Variants in CPNE1 observed in about 807,000 individuals in gnomAD.
The protein encoded by CPNE1 is copine-1.
Under a neutral mutation model 63.2 loss-of-function variants are expected in CPNE1, and 58 were observed. The observed-to-expected ratio is 0.92, with a 90% CI of 0.74 to 1.14. The LOEUF (loss-of-function observed/expected upper bound fraction) is 1.14, where lower values mean the gene tolerates loss of function less well. Among genes scored for constraint, CPNE1 ranks in the 50% most tolerant of loss-of-function variants. The pLI is 0.00. For synonymous variants in CPNE1, 237 were observed against 249.0 expected (o/e 0.95, Z 0.45); for missense variants, 672 against 661.7 (o/e 1.02, Z -0.17).
intron 1 of CPNE1, among the ~76,000 whole-genome samples, chr20:35,656,205 T>C (rs2033888033): frequency 6.6e-6 from 1 of 152,182 alleles, no homozygotes; most frequent in Non-Finnish European, 1.5e-5. Flanking sequence ...TATTTTCCCC[T>C]AGGAGAGGGC....
intron 1 of CPNE1, among the ~76,000 whole-genome samples, chr20:35,643,737 CA>C (rs886224852): frequency 6.6e-6 from 1 of 151,940 alleles, no homozygotes; most frequent in South Asian, 2.1e-4. Context: ...GTTGCGAAAA[CA>C]AAAAAACAAC....
chr20:35,650,615 C>T (rs2033437840), intron 1 of CPNE1: 1 of 152,562 alleles, frequency 6.6e-6, no homozygotes, highest in Non-Finnish European at 1.5e-5. Flanking sequence ...TCGGTCAAAG[C>T]AAATCTGTAT....
At chr20:35,645,314 C>T (rs909689898) in intron 1 of CPNE1, among the ~76,000 whole-genome samples, 2 of 151,992 alleles carry the variant, frequency 1.3e-5, no homozygotes, top group Admixed American at 6.6e-5. Flanking sequence ...TTAGGGAAGC[C>T]GAGAAAGCAA....
rs2031756924 is a variant in CPNE1 at position 35,626,563 on chromosome 20, T to C, written c.1473+4A>G. 6.2e-7 allele frequency: 1 copy of C among 1,613,504 alleles called. No individual in the cohort carries two copies. Among genetic ancestry groups the C allele is most frequent in the Non-Finnish European group, 8.5e-7 (1 of 1,179,434 alleles). On this transcript the variant is annotated splice_donor_region_variant and intron_variant, in intron 15 of 15. Transcript: ENST00000397443. ...ACTCCCAGATCAAATTTGCACCTAC[T>C]CACATTCTGGAACCGGCGGTAGGGT...
In CPNE1 at chr20:35,632,643, A is replaced by T. The variant is rs2146288629; in HGVS notation, c.183T>A (p.Thr61=). Residue 61 remains threonine, a synonymous_variant, in exon 3 of 16, where the codon ACT becomes ACA. Coordinates refer to ENST00000397443, the MANE Select transcript of CPNE1 (RefSeq NM_152925.3). ...RNCSSPEFSK[T]LQLEYRFETV... ...TCTCAAAGCGGTACTCAAGCTGTAG[A>T]GTCTTGGAGAACTCAGGGCTTGAGC... The T allele has an allele frequency of 1.4e-6, 2 of 1,464,912 alleles. No individual in the cohort carries two copies. Among genetic ancestry groups the T allele is most frequent in the East Asian group, 4.5e-5 (2 of 44,198 alleles). The allele number at this position is 1,464,912 out of a possible 1,614,324, so 90.7% of individuals were successfully genotyped here.
At chr20:35,641,789 T>C (rs1291237667) in intron 1 of CPNE1, among the ~76,000 whole-genome samples, 1 of 152,198 alleles carries the variant, frequency 6.6e-6, no homozygotes, top group Non-Finnish European at 1.5e-5. Context: ...GTCAATTAAA[T>C]GACAAAGCTC....
Position 35,631,322 on chromosome 20 carries a change from C to T in CPNE1, c.747G>A (p.Gln249=). 1 of 1,614,134 alleles carries T rather than the reference C, an allele frequency of 6.2e-7. No homozygotes were observed. Among genetic ancestry groups the T allele is most frequent in the Middle Eastern group, 1.6e-4 (1 of 6,062 alleles). The change falls in exon 9 of 16, where the codon CAG becomes CAA. Residue 249 remains glutamine, a synonymous_variant. Coordinates refer to ENST00000397443, the MANE Select transcript of CPNE1 (RefSeq NM_152925.3). ...AGTTCTTGTAGCTTTTCTTTTTCTG[C>T]TGCTTCTCAGGGTGGATGCATTCAA... The part of the protein sequence containing the change: ...AEFECIHPEK[Q]QKKKSYKNSG...
intron 1 of CPNE1, chr20:35,653,319 G>A (rs145185010): frequency 1.8e-4 from 295 of 1,613,510 alleles, no homozygotes; most frequent in Non-Finnish European, 2.3e-4. Context: ...GGCCTGCACC[G>A]GGAAGTCCTG....
chr20:35,650,671 A>G (rs895163199), intron 1 of CPNE1: 1 of 152,624 alleles, frequency 6.6e-6, no homozygotes, highest in Non-Finnish European at 1.5e-5. Context: ...TCTTGAGTCT[A>G]AACAATCCTT....
chr20:35,652,703 C>T (rs751160657), intron 1 of CPNE1: 1 of 1,614,150 alleles, frequency 6.2e-7, no homozygotes, highest in East Asian at 2.2e-5. Flanking sequence ...TAAAAGAAAT[C>T]TAAAATCTCA....
intron 12 of CPNE1, 74 bp downstream of exon 12, chr20:35,630,667 G>A (rs1164033878): frequency 1.1e-5 from 17 of 1,569,296 alleles, no homozygotes; most frequent in Non-Finnish European, 1.4e-5. Flanking sequence ...CAAGTAGCAA[G>A]TAAATTTACC....
intron 1 of CPNE1, among the ~76,000 whole-genome samples, chr20:35,661,039 G>C (rs938757549): frequency 8.5e-5 from 13 of 152,204 alleles, no homozygotes; most frequent in Admixed American, 7.9e-4. Flanking sequence ...CAAGTTTTAT[G>C]TGTACAACTT....
intron 13 of CPNE1, among the ~76,000 whole-genome samples, chr20:35,627,860 T>A (rs976767207): frequency 6.6e-6 from 1 of 151,770 alleles, no homozygotes; most frequent in African/African-American, 2.4e-5. Flanking sequence ...AACTAGAGAG[T>A]ATAGCCAGGC....
In CPNE1 at chr20:35,644,255, G is replaced by A. The variant is rs528850462; in HGVS notation, c.1-11332C>T. On this transcript the variant is annotated intron_variant, in intron 1 of 15. Coordinates refer to ENST00000397443, the MANE Select transcript of CPNE1 (RefSeq NM_152925.3). ...CTCCTTCTTGGTTAATTGGACCAAGGAGGAGTGGATCCAGGAGGAATGCCT... is the reference window on the plus strand; with the variant it reads ...CTCCTTCTTGGTTAATTGGACCAAGAAGGAGTGGATCCAGGAGGAATGCCT... 1.2e-3 allele frequency among the ~76,000 whole-genome samples: 180 copies of A among 152,250 alleles called. 1 individual carries two copies. Among genetic ancestry groups the A allele is most frequent in the Non-Finnish European group, 2.3e-3 (156 of 68,000 alleles).
intron 1 of CPNE1, chr20:35,654,311 G>C (rs1322137771): frequency 6.2e-7 from 1 of 1,614,116 alleles, no homozygotes. Flanking sequence ...CGACCTACAT[G>C]ATCTTTCAAC....
At position 35,626,285 on chromosome 20, in the gene CPNE1, G is replaced by A. The variant is rs751568636; in HGVS notation, c.1570C>T (p.Leu524Phe). ...RAQGWAPLKP[L>F]PPSAKDPAQA... ...GCAGGATCCTTGGCTGAGGGTGGAA[G>A]TGGCTTGAGCGGGGCCCAACCCTGG... is the stretch of plus-strand genomic sequence containing the variant. Residue 524 changes from leucine (L) to phenylalanine (F), a missense_variant, in exon 16 of 16, where the codon CTT becomes TTT. Physicochemically the swap from Leu to Phe is conservative, Grantham distance 22. Coordinates refer to ENST00000397443, the MANE Select transcript of CPNE1 (RefSeq NM_152925.3). 3.7e-6 allele frequency: 6 copies of A among 1,614,150 alleles called. No homozygotes were observed. The South Asian group carries it at 5.5e-5, about 15-fold the overall frequency.
intron 1 of CPNE1, among the ~76,000 whole-genome samples, chr20:35,656,299 C>T (rs1396701410): frequency 2.0e-5 from 3 of 152,196 alleles, no homozygotes; most frequent in Non-Finnish European, 4.4e-5. Flanking sequence ...ACCTACACAA[C>T]TCCTACAGGA....
intron 1 of CPNE1, among the ~76,000 whole-genome samples, chr20:35,641,274 A>C (rs1222811408): frequency 6.6e-6 from 1 of 152,180 alleles, no homozygotes; most frequent in Non-Finnish European, 1.5e-5. Flanking sequence ...GAAGACTAGA[A>C]CTCAAATATT....
At chr20:35,627,065 G>A (rs2031793624) in intron 14 of CPNE1, among the ~76,000 whole-genome samples, 1 of 151,754 alleles carries the variant, frequency 6.6e-6, no homozygotes. Flanking sequence ...GCACACGCCT[G>A]TAATCCAAGC....
Sources: allele counts gnomAD v4.1 joint callset (sites outside exome capture counted in the v4.1 genomes callset), GRCh38; gene constraint gnomAD v4.1.1; transcripts MANE v1.5; gene names NCBI Gene and HGNC (gene_info 2026-07-23, HGNC 2026-07-21).